Variants in SCAPER observed in about 807,000 individuals in gnomAD.
SCAPER encodes the protein S-phase cyclin A associated protein in the ER.
A neutral mutation model predicts 182.2 loss-of-function variants in SCAPER; 98 were observed. The observed-to-expected ratio is 0.54, with a 90% CI of 0.46 to 0.64. The LOEUF is 0.64. Among genes scored for constraint, SCAPER ranks in the 30% least tolerant of loss-of-function variants. The pLI, the probability that SCAPER is intolerant of heterozygous loss-of-function variation, is 0.00. For missense variants in SCAPER, 1,432 were observed against 1,690.0 expected (o/e 0.85, Z 2.68); for synonymous variants, 605 against 564.6 (o/e 1.07, Z -1.01).
intron 5 of SCAPER, among the ~76,000 whole-genome samples, chr15:76,828,304 A>C (rs955351070): frequency 6.6e-6 from 1 of 151,886 alleles, no homozygotes. Flanking sequence ...TGAGACAACC[A>C]GACAAGTCAA....
At chr15:76,699,257 T>G (rs1312799937) in intron 20 of SCAPER, among the ~76,000 whole-genome samples, 1 of 152,174 alleles carries the variant, frequency 6.6e-6, no homozygotes, top group East Asian at 1.9e-4. Context: ...CCTCTGATTC[T>G]TTCTCTTGCC....
intron 24 of SCAPER, among the ~76,000 whole-genome samples, chr15:76,481,512 T>TA (rs2051141621): frequency 6.6e-6 from 1 of 152,200 alleles, no homozygotes; most frequent in African/African-American, 2.4e-5. Context: ...CATATATATA[T>TA]TTTTTTGTTA....
At position 76,602,026 on chromosome 15, in the gene SCAPER, G is replaced by A. The variant is rs560174189; in HGVS notation, c.2711+19738C>T. On this transcript the variant is annotated intron_variant, in intron 22 of 31. Transcript: ENST00000563290. The stretch of plus-strand genomic sequence containing the variant: ...CTACATTTTCAATCCGTGTTTGGTT[G>A]AAAACATCTGCATATCATTGGGCTT... Among the ~76,000 whole-genome samples, 5 of 121,410 alleles carry A rather than the reference G, an allele frequency of 4.1e-5. No individual in the cohort carries two copies. In the East Asian group the frequency reaches 1.1e-3, roughly 27 times the overall value. The allele number at this position is 121,410 out of a possible 152,430, so 79.6% of individuals were successfully genotyped here. A position where few individuals can be genotyped will look rare whatever the true frequency, so the allele number is the denominator to read the frequency against.
chr15:76,650,184 T>C (rs987107700), intron 21 of SCAPER, among the ~76,000 whole-genome samples: 1 of 151,786 alleles, frequency 6.6e-6, no homozygotes, highest in African/African-American at 2.4e-5. Context: ...ACACTAAAAA[T>C]AAAAAGTGGT....
chr15:76,529,607 C>CAAAT (rs1208839796), intron 23 of SCAPER, among the ~76,000 whole-genome samples: 1 of 152,112 alleles, frequency 6.6e-6, no homozygotes, highest in African/African-American at 2.4e-5. Flanking sequence ...GAGAAGTTGA[C>CAAAT]ATTTGAGTAA....
intron 1 of SCAPER, among the ~76,000 whole-genome samples, chr15:76,896,089 G>A (rs961866425): frequency 1.3e-5 from 2 of 151,498 alleles, no homozygotes; most frequent in African/African-American, 2.4e-5. Flanking sequence ...ACAATAAAAG[G>A]CTGGCCACAG....
In SCAPER at chr15:76,594,318, G is replaced by A. The variant is rs1406056188; in HGVS notation, c.2712-20034C>T. ...AATGAACAAAGCCCCCAAGAAATAC[G>A]GGAATATGTGAAAAGAACACAACTA... On this transcript the variant is annotated intron_variant, in intron 22 of 31. Coordinates refer to ENST00000563290, the MANE Select transcript of SCAPER (RefSeq NM_020843.4). Among the ~76,000 whole-genome samples the A allele has an allele frequency of 1.7e-5, 2 of 120,120 alleles. 1 individual carries two copies. 78.8% of individuals were successfully genotyped at this position (120,120 alleles called of 152,430 possible).
At chr15:76,420,866 C>T (rs886145834) in intron 26 of SCAPER, among the ~76,000 whole-genome samples, 13 of 152,090 alleles carry the variant, frequency 8.5e-5, no homozygotes, top group East Asian at 1.9e-4. Context: ...TGAGAACATG[C>T]GGTGTTTGGT....
chr15:76,672,465 A>C (rs1037137391), intron 20 of SCAPER, among the ~76,000 whole-genome samples: 1 of 152,164 alleles, frequency 6.6e-6, no homozygotes, highest in African/African-American at 2.4e-5. Flanking sequence ...AACACACACA[A>C]AAAATGATAT....
chr15:76,629,450 T>C (rs2146221150), intron 21 of SCAPER, among the ~76,000 whole-genome samples: 1 of 152,320 alleles, frequency 6.6e-6, no homozygotes, highest in South Asian at 2.1e-4. Flanking sequence ...ACCGAGTTTA[T>C]TGAGAGTTTT....
At chr15:76,683,301 A>G (rs567353218) in intron 20 of SCAPER, among the ~76,000 whole-genome samples, 118 of 152,324 alleles carry the variant, frequency 7.7e-4, no homozygotes, top group African/African-American at 2.7e-3. Context: ...CTGAGGAAAG[A>G]ATCTCAGGTC....
chr15:76,695,166 G>T (rs1003327273), intron 20 of SCAPER, among the ~76,000 whole-genome samples: 1 of 152,044 alleles, frequency 6.6e-6, no homozygotes, highest in Non-Finnish European at 1.5e-5. Context: ...GTAACTCTAA[G>T]GTCACTTTGC....
intron 23 of SCAPER, among the ~76,000 whole-genome samples, chr15:76,535,708 T>C (rs1256298449): frequency 6.6e-6 from 1 of 152,050 alleles, no homozygotes; most frequent in Non-Finnish European, 1.5e-5. Context: ...ATTTCACTAA[T>C]GAAATCTTTT....
chr15:76,418,797 T>G (rs759043933), intron 26 of SCAPER, among the ~76,000 whole-genome samples: 3 of 152,264 alleles, frequency 2.0e-5, no homozygotes. Context: ...TGCCCACATC[T>G]GGCCTGAGAG....
At chr15:76,505,937 T>G (rs1026062887) in intron 23 of SCAPER, among the ~76,000 whole-genome samples, 1 of 152,168 alleles carries the variant, frequency 6.6e-6, no homozygotes, top group African/African-American at 2.4e-5. Context: ...GATCCTGTTA[T>G]TTGCAACAAC....
chr15:76,722,388 C>T (rs544720016), intron 17 of SCAPER, among the ~76,000 whole-genome samples: 196 of 152,224 alleles, frequency 1.3e-3, no homozygotes, highest in Admixed American at 5.8e-3. Context: ...CTAAAATTCT[C>T]TTTTTTGGTT....
chr15:76,423,289 A>G lies in SCAPER; in HGVS notation c.3311+10789T>C, dbSNP rs534363684. On this transcript the variant is annotated intron_variant, in intron 26 of 31. Transcript: ENST00000563290. ...TCGTAGGCTATTAATTATTGCCTCA[A>G]TTTCAGAGCCTGTTATTGGTCTATT... Among the ~76,000 whole-genome samples the G allele has an allele frequency of 1.6e-4, 24 of 152,286 alleles. 1 individual carries two copies. The East Asian group carries it at 4.6e-3, about 29-fold the overall frequency.
At chr15:76,668,115 C>T (rs572040925) in intron 20 of SCAPER, among the ~76,000 whole-genome samples, 10 of 152,252 alleles carry the variant, frequency 6.6e-5, no homozygotes, top group South Asian at 2.1e-4. Flanking sequence ...TTTGAGTAAA[C>T]GGTACCATCA....
intron 6 of SCAPER, among the ~76,000 whole-genome samples, chr15:76,802,077 AT>A (rs201243431): frequency 3.3e-5 from 5 of 151,328 alleles, no homozygotes; most frequent in African/African-American, 1.2e-4. Flanking sequence ...AAAAAAAAAA[AT>A]TTTTTTTTAA....
Sources: allele counts gnomAD v4.1 joint callset (sites outside exome capture counted in the v4.1 genomes callset), GRCh38; gene constraint gnomAD v4.1.1; transcripts MANE v1.5; gene names NCBI Gene and HGNC (gene_info 2026-07-23, HGNC 2026-07-21).